GABRR1: variants seen among roughly 807,000 people sequenced by gnomAD.
GABRR1 encodes gamma-aminobutyric acid receptor subunit rho-1.
GABRR1 carries 59 observed loss-of-function variants against 55.5 expected under a neutral mutation model. The ratio of observed to expected loss-of-function variants is 1.06; its 90% CI spans 0.86 to 1.32. The LOEUF is 1.32. GABRR1 is among the 40% of genes most tolerant of loss of function. GABRR1 has a pLI of 0.00. For synonymous variants in GABRR1, 213 were observed against 226.0 expected, an observed-to-expected ratio of 0.94 and a Z score of 0.51; for missense variants, 602 against 619.1, an observed-to-expected ratio of 0.97 and a Z score of 0.29.
chr6:89,180,164 C>T lies in GABRR1; in HGVS notation c.1146+128G>A, dbSNP rs1771671664. 2.3e-5 allele frequency: 22 copies of T among 958,798 alleles called. No individual in the cohort carries two copies. The South Asian group carries it at 4.5e-4, about 20-fold the overall frequency. 59.4% of individuals were successfully genotyped at this position (958,798 alleles called of 1,614,324 possible). A position where few individuals can be genotyped will look rare whatever the true frequency, so the allele number is the denominator to read the frequency against. The stretch of plus-strand genomic sequence containing the variant: ...CCAATTTGTTTGCTCTTCACAACAA[C>T]CCTGTGAAGTAGGCACAGGAGAGGG... On this transcript the variant is annotated intron_variant, in intron 9 of 9. Transcript: ENST00000454853.
At chr6:89,193,393 T>TC (rs1772162499) in intron 5 of GABRR1, among the ~76,000 whole-genome samples, 1 of 127,914 alleles carries the variant, frequency 7.8e-6, no homozygotes, top group African/African-American at 4.2e-5. Flanking sequence ...TAGATCTCTC[T>TC]TTTTTTTTCA....
intron 1 of GABRR1, chr6:89,204,675 G>A (rs1400737374): frequency 7.8e-7 from 1 of 1,288,136 alleles, no homozygotes; most frequent in African/African-American, 1.5e-5. Flanking sequence ...CACTGCCTTT[G>A]CCTTCATGAA....
rs1772044452 is a variant in GABRR1 at position 89,190,212 on chromosome 6, C to A, written c.608G>T (p.Ser203Ile). Residue 203 changes from serine to isoleucine, a missense_variant, in exon 6 of 10, where the codon AGC becomes ATC. Physicochemically the swap from Ser to Ile is moderately radical, Grantham distance 142. Transcript: ENST00000454853. ...CGTTTGTGTGTCCAAGGGAAATCGG[C>A]TGAAGTCCATGTTGCACATTGCAGT... The part of the protein sequence containing the change: ...TVTAMCNMDF[S>I]RFPLDTQTCS... 1 of 1,611,782 alleles carries A rather than the reference C, an allele frequency of 6.2e-7. No homozygotes were observed. The highest frequency in any genetic ancestry group is 1.7e-4 in the Middle Eastern group (1 of 6,056).
intron 9 of GABRR1, 60 bp downstream of exon 9, chr6:89,180,232 G>A (rs747700177): frequency 4.2e-5 from 65 of 1,552,400 alleles, no homozygotes; most frequent in Non-Finnish European, 5.1e-5. Flanking sequence ...CCTGCCTGAG[G>A]TTCCAGAGCT....
intron 2 of GABRR1, among the ~76,000 whole-genome samples, chr6:89,202,723 G>A (rs1250807409): frequency 3.3e-5 from 5 of 151,982 alleles, no homozygotes; most frequent in African/African-American, 1.2e-4. Context: ...TTTAGAGACA[G>A]GGTCTTGCTC....
At chr6:89,223,740 C>G (rs1392807912) in intron 1 of GABRR1, among the ~76,000 whole-genome samples, 2 of 147,418 alleles carry the variant, frequency 1.4e-5, no homozygotes, top group African/African-American at 5.0e-5. Context: ...GCCATTCTTG[C>G]AGGAGTAAGG....
At chr6:89,199,514 T>A in intron 3 of GABRR1, 85 bp from the exon 4 acceptor site, 1 of 1,274,494 alleles carries the variant, frequency 7.8e-7, no homozygotes, top group Admixed American at 1.8e-5. Flanking sequence ...GCATTTCCCC[T>A]GGAACCTCAA....
At chr6:89,202,647 G>A (rs4706336) in intron 2 of GABRR1, among the ~76,000 whole-genome samples, 104,526 of 151,864 alleles carry the variant, frequency 0.69, 36,238 homozygotes, top group East Asian at 0.92. Context: ...TTGTATACAA[G>A]TATATACAGA....
intron 5 of GABRR1, 37 bp from the exon 6 acceptor site, chr6:89,190,284 C>T: frequency 6.7e-7 from 1 of 1,482,928 alleles, no homozygotes; most frequent in Non-Finnish European, 9.3e-7. Context: ...TATTCAGAGC[C>T]TGCAAAAGAC....
intron 1 of GABRR1, among the ~76,000 whole-genome samples, chr6:89,208,249 A>G (rs775126339): frequency 6.6e-6 from 1 of 152,222 alleles, no homozygotes; most frequent in Non-Finnish European, 1.5e-5. Context: ...CATTTCCTGA[A>G]TTGTTACAGA....
At chr6:89,180,050 C>T (rs1302073805) in intron 9 of GABRR1, among the ~76,000 whole-genome samples, 1 of 150,604 alleles carries the variant, frequency 6.6e-6, no homozygotes, top group Non-Finnish European at 1.5e-5. Flanking sequence ...TTAACTAAGA[C>T]CTGGTCCAAG....
intron 1 of GABRR1, among the ~76,000 whole-genome samples, chr6:89,208,099 G>C (rs1365117777): frequency 6.6e-6 from 1 of 152,350 alleles, no homozygotes; most frequent in Admixed American, 6.5e-5. Flanking sequence ...GGCTGAAGGC[G>C]ATGCTACAAG....
intron 6 of GABRR1, among the ~76,000 whole-genome samples, chr6:89,185,983 C>T (rs1222966801): frequency 6.6e-6 from 1 of 152,228 alleles, no homozygotes; most frequent in Non-Finnish European, 1.5e-5. Context: ...CCAGTTACTC[C>T]TACTCAGGGT....
intron 1 of GABRR1, among the ~76,000 whole-genome samples, chr6:89,207,305 C>T (rs2127803612): frequency 6.6e-6 from 1 of 152,252 alleles, no homozygotes; most frequent in East Asian, 1.9e-4. Flanking sequence ...AGCTATCCTC[C>T]CACCTCAGCT....
chr6:89,198,117 A>C lies in GABRR1; in HGVS notation c.475T>G (p.Phe159Val). 1 of 1,614,054 alleles carries C rather than the reference A, an allele frequency of 6.2e-7. No homozygotes were observed. The highest frequency in any genetic ancestry group is 8.5e-7 in the Non-Finnish European group (1 of 1,180,004). ...LVKKIWVPDM[F>V]FVHSKRSFIH... ...AAGGAGCGTTTGGAGTGCACGAAAA[A>C]CATGTCAGGGACCCAGATCTTCTTG... Residue 159 changes from phenylalanine (F) to valine (V), a missense_variant, in exon 5 of 10, where the codon TTT (phenylalanine) becomes GTT (valine). Physicochemically the swap from Phe to Val is conservative, Grantham distance 50. Coordinates refer to ENST00000454853, the MANE Select transcript of GABRR1 (RefSeq NM_002042.5).
chr6:89,201,371 T>C (rs1772466738), intron 2 of GABRR1, 106 bp from the exon 3 acceptor site: 2 of 728,180 alleles, frequency 2.7e-6, no homozygotes, highest in African/African-American at 1.8e-5. Flanking sequence ...GGTGTGCTAT[T>C]TCTTCTTTTA....
chr6:89,212,807 T>G (rs1420426391), intron 1 of GABRR1, among the ~76,000 whole-genome samples: 2 of 152,224 alleles, frequency 1.3e-5, no homozygotes, highest in South Asian at 2.1e-4. Flanking sequence ...TAGCTGGGAC[T>G]ACAGGCACAC....
At chr6:89,209,129 C>A (rs1487870768) in intron 1 of GABRR1, among the ~76,000 whole-genome samples, 1 of 150,778 alleles carries the variant, frequency 6.6e-6, no homozygotes, top group Non-Finnish European at 1.5e-5. Flanking sequence ...AAAATCTCAG[C>A]CTATCATCCA....
chr6:89,223,354 C>A (rs1192482998), intron 1 of GABRR1, among the ~76,000 whole-genome samples: 1 of 152,202 alleles, frequency 6.6e-6, no homozygotes, highest in Admixed American at 6.5e-5. Context: ...CCAGATCCAT[C>A]CAGGTTGCTG....
Sources: gnomAD v4.1 joint callset for allele counts (sites outside exome capture counted in the v4.1 genomes callset) on GRCh38, gnomAD v4.1.1 for gene constraint, MANE v1.5 for transcripts, NCBI Gene and HGNC (gene_info 2026-07-23, HGNC 2026-07-21) for gene names.